DGKB: variants seen among roughly 807,000 people sequenced by gnomAD.
The protein encoded by DGKB is 90 kDa diacylglycerol kinase.
DGKB carries 67 observed loss-of-function variants against 114.3 expected under a neutral mutation model. The ratio of observed to expected loss-of-function variants is 0.59; its 90% confidence interval spans 0.48 to 0.72. The LOEUF (loss-of-function observed/expected upper bound fraction) is 0.72, where lower values mean the gene tolerates loss of function less well. Among genes scored for constraint, DGKB ranks in the 30% least tolerant of loss-of-function variants. The pLI, the probability that DGKB is intolerant of heterozygous loss-of-function variation, is 0.00. For missense variants in DGKB, 907 were observed against 975.2 expected (o/e 0.93, Z 0.93); for synonymous variants, 398 against 323.1 (o/e 1.23, Z -2.49).
At chr7:14,856,250 T>G (rs966803355) in intron 1 of DGKB, among the ~76,000 whole-genome samples, 1 of 152,122 alleles carries the variant, frequency 6.6e-6, no homozygotes, top group Admixed American at 6.6e-5. Flanking sequence ...GATTAAAATT[T>G]GAAAACTACC....
At chr7:14,202,265 T>C (rs1786014484) in intron 23 of DGKB, among the ~76,000 whole-genome samples, 1 of 152,026 alleles carries the variant, frequency 6.6e-6, no homozygotes, top group African/African-American at 2.4e-5. Flanking sequence ...ATTTTACAGA[T>C]GGAGGAAAGA....
At chr7:14,466,042 T>C (rs1780422816) in intron 21 of DGKB, among the ~76,000 whole-genome samples, 1 of 151,812 alleles carries the variant, frequency 6.6e-6, no homozygotes, top group Non-Finnish European at 1.5e-5. Flanking sequence ...GGGGGAATTA[T>C]CATATAAATC....
intron 23 of DGKB, among the ~76,000 whole-genome samples, chr7:14,183,472 A>T (rs1782936695): frequency 6.6e-6 from 1 of 152,034 alleles, no homozygotes; most frequent in Non-Finnish European, 1.5e-5. Flanking sequence ...TTGCACCTGA[A>T]GGAACATACA....
chr7:14,406,648 G>GGACT (rs1204536612), intron 21 of DGKB, among the ~76,000 whole-genome samples: 1 of 151,968 alleles, frequency 6.6e-6, no homozygotes, highest in Non-Finnish European at 1.5e-5. Flanking sequence ...ACCCACTTTA[G>GGACT]GACTATCTAT....
At chr7:14,464,767 A>G (rs1833584550) in intron 21 of DGKB, among the ~76,000 whole-genome samples, 1 of 152,192 alleles carries the variant, frequency 6.6e-6, no homozygotes, top group Non-Finnish European at 1.5e-5. Context: ...TGAACTGCCA[A>G]ACCCAAAGTC....
At chr7:14,833,079 CCATATT>C (rs1282521698) in intron 2 of DGKB, among the ~76,000 whole-genome samples, 1 of 152,020 alleles carries the variant, frequency 6.6e-6, no homozygotes, top group African/African-American at 2.4e-5. Flanking sequence ...TCCTTAGTCT[CCATATT>C]CAGTTGGTGA....
intron 20 of DGKB, among the ~76,000 whole-genome samples, chr7:14,566,601 T>C (rs1318655537): frequency 6.6e-6 from 1 of 152,218 alleles, no homozygotes; most frequent in East Asian, 1.9e-4. Flanking sequence ...AATTATTTAA[T>C]TATTCAGTGA....
At position 14,373,182 on chromosome 7, in the gene DGKB, C is replaced by A. The variant is rs1817953739; in HGVS notation, c.1836-27791G>T. Among the ~76,000 whole-genome samples the A allele has an allele frequency of 2.0e-5, 3 of 152,168 alleles. No homozygotes were observed. The South Asian group carries it at 6.2e-4, about 31-fold the overall frequency. On this transcript the variant is annotated intron_variant, in intron 21 of 25. Coordinates refer to ENST00000402815, the MANE Select transcript of DGKB (RefSeq NM_001350709.2). ...AAATACAGAAACAGAGCTCTGCAAC[C>A]CCTGCAAATAATTTGGAACATGACA...
chr7:14,740,869 C>A (rs532147446), intron 4 of DGKB, among the ~76,000 whole-genome samples: 17 of 152,242 alleles, frequency 1.1e-4, no homozygotes, highest in African/African-American at 4.1e-4. Context: ...GGTCACCAGG[C>A]CTCAGGGATA....
chr7:14,559,033 C>A (rs1331268267), intron 20 of DGKB, among the ~76,000 whole-genome samples: 2 of 152,140 alleles, frequency 1.3e-5, no homozygotes, highest in East Asian at 1.9e-4. Context: ...CCAAATATTC[C>A]CCTGGGAAAG....
chr7:14,800,059 G>A (rs1841945462), intron 2 of DGKB, among the ~76,000 whole-genome samples: 1 of 152,090 alleles, frequency 6.6e-6, no homozygotes, highest in Non-Finnish European at 1.5e-5. Flanking sequence ...TGGGACTACA[G>A]GTGTACACCA....
chr7:14,691,113 C>G (rs1465362133), intron 9 of DGKB, among the ~76,000 whole-genome samples: 1 of 152,146 alleles, frequency 6.6e-6, no homozygotes, highest in African/African-American at 2.4e-5. Flanking sequence ...TTAAAATAGA[C>G]TAGTTTTTAA....
At chr7:14,558,920 T>A (rs1255489721) in intron 20 of DGKB, among the ~76,000 whole-genome samples, 1 of 152,202 alleles carries the variant, frequency 6.6e-6, no homozygotes, top group Non-Finnish European at 1.5e-5. Flanking sequence ...CAAAACATAC[T>A]AGCTCCCAGC....
intron 21 of DGKB, among the ~76,000 whole-genome samples, chr7:14,393,736 A>G (rs1309539969): frequency 6.6e-6 from 1 of 152,190 alleles, no homozygotes; most frequent in Non-Finnish European, 1.5e-5. Flanking sequence ...CCTTGGTTAG[A>G]GAACCCTCAA....
intron 23 of DGKB, among the ~76,000 whole-genome samples, chr7:14,229,331 A>G (rs1435189416): frequency 6.6e-6 from 1 of 152,024 alleles, no homozygotes; most frequent in African/African-American, 2.4e-5. Context: ...TTACACAAAT[A>G]TAGATGGTAT....
intron 23 of DGKB, among the ~76,000 whole-genome samples, chr7:14,181,643 A>T (rs1356045991): frequency 6.6e-6 from 1 of 152,200 alleles, no homozygotes; most frequent in Non-Finnish European, 1.5e-5. Context: ...TTGCAACCAG[A>T]CCTGGAGATT....
upstream of DGKB, among the ~76,000 whole-genome samples, chr7:14,904,434 C>G (rs1445692634): frequency 6.6e-6 from 1 of 151,962 alleles, no homozygotes; most frequent in African/African-American, 2.4e-5. Flanking sequence ...TTAAATTAAA[C>G]AGAGGGGGAA....
chr7:14,459,303 C>A (rs1251861728), intron 21 of DGKB, among the ~76,000 whole-genome samples: 6 of 152,138 alleles, frequency 3.9e-5, no homozygotes, highest in African/African-American at 1.4e-4. Context: ...TTCCTGCTTG[C>A]TGGCTCTGAA....
chr7:14,680,880 A>G (rs976030032), intron 12 of DGKB, among the ~76,000 whole-genome samples: 2 of 152,048 alleles, frequency 1.3e-5, no homozygotes, highest in Non-Finnish European at 2.9e-5. Flanking sequence ...TGATTTTTTA[A>G]GAACTAAAAA....
Sources: gnomAD v4.1 joint callset for allele counts (sites outside exome capture counted in the v4.1 genomes callset) on GRCh38, gnomAD v4.1.1 for gene constraint, MANE v1.5 for transcripts, NCBI Gene and HGNC (gene_info 2026-07-23, HGNC 2026-07-21) for gene names.